The following PRRC1 variants were observed in gnomAD, a reference collection of about 807,000 sequenced individuals.
The protein encoded by PRRC1 is protein PRRC1.
A neutral mutation model predicts 40.7 loss-of-function variants in PRRC1; 39 were observed. The ratio of observed to expected loss-of-function variants is 0.96; its 90% CI spans 0.74 to 1.25. The LOEUF is 1.25. PRRC1 is among the 50% of genes most tolerant of loss of function. PRRC1 has a pLI of 0.00. For missense variants in PRRC1, 573 were observed against 548.3 expected (o/e 1.05, Z -0.45); for synonymous variants, 175 against 193.3 (o/e 0.91, Z 0.79).
chr5:127,536,517 T>C (rs1767907417), intron 6 of PRRC1, among the ~76,000 whole-genome samples: 1 of 152,072 alleles, frequency 6.6e-6, no homozygotes, highest in African/African-American at 2.4e-5. Context: ...AAGAAGACTT[T>C]TCAAGATTTA....
chr5:127,527,236 A>G (rs1767642368), intron 4 of PRRC1, among the ~76,000 whole-genome samples: 1 of 152,184 alleles, frequency 6.6e-6, no homozygotes, highest in South Asian at 2.1e-4. Flanking sequence ...TTTATTATGC[A>G]CAACATGATG....
intron 3 of PRRC1, among the ~76,000 whole-genome samples, chr5:127,525,604 T>G (rs534957387): frequency 6.6e-6 from 1 of 152,350 alleles, no homozygotes; most frequent in Admixed American, 6.5e-5. Context: ...GTGTACCATT[T>G]TACCTTCTTA....
chr5:127,530,231 T>C, intron 4 of PRRC1, 63 bp from the exon 5 acceptor site: 1 of 1,439,812 alleles, frequency 6.9e-7, no homozygotes, highest in Non-Finnish European at 9.6e-7. Flanking sequence ...TTCTTCACAA[T>C]CATGAAGATC....
Position 127,518,613 on chromosome 5 carries a change from G to A in PRRC1, c.-21+837G>A, listed in dbSNP as rs1580924015. ...GATTAGGCTCTAACTAGCGCTCACT[G>A]TTTGGTAGTAGAGACAATCTTGTGG... On this transcript the variant is annotated intron_variant, in intron 1 of 8. Coordinates refer to ENST00000296666, the MANE Select transcript of PRRC1 (RefSeq NM_130809.5). Among the ~76,000 whole-genome samples the A allele has an allele frequency of 2.6e-5, 4 of 152,240 alleles. No individual in the cohort carries two copies. In the South Asian group the frequency reaches 8.3e-4, roughly 32 times the overall value.
intron 4 of PRRC1, among the ~76,000 whole-genome samples, chr5:127,529,067 A>G (rs950177004): frequency 2.6e-5 from 4 of 152,164 alleles, no homozygotes; most frequent in African/African-American, 9.7e-5. Context: ...AATGTATATC[A>G]GTATTTAGTT....
chr5:127,542,723 C>T (rs151790), intron 7 of PRRC1, among the ~76,000 whole-genome samples: 44,459 of 146,146 alleles, frequency 0.3, 6,356 homozygotes, highest in East Asian at 0.52. Context: ...TTTCCATTTG[C>T]TTGGTAGATC....
chr5:127,526,848 A>T, intron 4 of PRRC1, 70 bp downstream of exon 4: 1 of 1,284,066 alleles, frequency 7.8e-7, no homozygotes, highest in Non-Finnish European at 1.0e-6. Flanking sequence ...TAGAGAAAAT[A>T]TTGAAAATAC....
At chr5:127,538,757 A>T (rs1050336481) in intron 6 of PRRC1, among the ~76,000 whole-genome samples, 1 of 152,108 alleles carries the variant, frequency 6.6e-6, no homozygotes, top group African/African-American at 2.4e-5. Context: ...ATTTAACAGT[A>T]ACAATCAATG....
At chr5:127,533,172 G>A (rs1294829316) in intron 5 of PRRC1, among the ~76,000 whole-genome samples, 2 of 151,950 alleles carry the variant, frequency 1.3e-5, no homozygotes, top group East Asian at 3.9e-4. Flanking sequence ...AGAACATTGT[G>A]GGGATATTTA....
intron 7 of PRRC1, among the ~76,000 whole-genome samples, chr5:127,542,477 T>TA (rs1297985988): frequency 2.0e-5 from 3 of 152,120 alleles, no homozygotes; most frequent in Admixed American, 1.3e-4. Flanking sequence ...AGTGGGGTGT[T>TA]AAAATCTCCC....
At position 127,553,305 on chromosome 5, in the gene PRRC1, A is replaced by C; in HGVS notation, c.*1389A>C. ...GTTTCTGCTATTTTTTTACCTGAGG[A>C]TAAGAAGAATGAATATTAAATTTGA... On this transcript the variant is annotated 3_prime_UTR_variant, in exon 9 of 9. Transcript: ENST00000296666. 2 of 986,032 alleles carry C rather than the reference A, an allele frequency of 2.0e-6. No individual in the cohort carries two copies. Among genetic ancestry groups the C allele is most frequent in the Non-Finnish European group, 2.4e-6 (2 of 830,350 alleles). The allele number at this position is 986,032 out of a possible 1,614,324, so 61.1% of individuals were successfully genotyped here. A position where few individuals can be genotyped will look rare whatever the true frequency, so the allele number is the denominator to read the frequency against.
At chr5:127,545,305 A>C (rs889051101) in intron 7 of PRRC1, among the ~76,000 whole-genome samples, 2 of 152,052 alleles carry the variant, frequency 1.3e-5, no homozygotes, top group Non-Finnish European at 2.9e-5. Context: ...CCAAAGGACT[A>C]TAAATCATGC....
chr5:127,547,791 C>T (rs1173163122), intron 7 of PRRC1, 28 bp from the exon 8 acceptor site: 4 of 1,500,136 alleles, frequency 2.7e-6, no homozygotes, highest in Non-Finnish European at 3.7e-6. Context: ...GGCATATAAA[C>T]CATTTGAAAC....
At position 127,533,608 on chromosome 5, in the gene PRRC1, C is replaced by T. The variant is rs746562797; in HGVS notation, c.758-15C>T. On this transcript the variant is annotated splice_polypyrimidine_tract_variant and intron_variant, in intron 5 of 8. Transcript: ENST00000296666. ...ATTTTAATTTGAAAGTTAAATTTTC[C>T]TCTGGTCTTTTTAGAATCTGGAGGT... The T allele has an allele frequency of 1.2e-5, 20 of 1,600,720 alleles. 1 individual carries two copies. In the South Asian group the frequency reaches 2.3e-4, roughly 18 times the overall value.
At position 127,539,153 on chromosome 5, in the gene PRRC1, T is replaced by TTA. The variant is rs542899574; in HGVS notation, c.1025+12_1025+13dup. 6.2e-7 allele frequency: 1 copy of TTA among 1,605,868 alleles called. No homozygotes were observed. The highest frequency in any genetic ancestry group is 1.1e-5 in the South Asian group (1 of 90,812). On this transcript the variant is annotated intron_variant, in intron 7 of 8. Transcript: ENST00000296666. ...AATTGCTGCCTGACAAGTAAGTGTA[T>TTA]TATGTTTCTCTTGGAAGCAAAATAT...
At chr5:127,533,578 T>A in intron 5 of PRRC1, 45 bp from the exon 6 acceptor site, 1 of 1,529,642 alleles carries the variant, frequency 6.5e-7, no homozygotes, top group South Asian at 1.2e-5. Flanking sequence ...TATGAGAATT[T>A]CATTATTTTA....
At chr5:127,537,366 A>G (rs1201617221) in intron 6 of PRRC1, among the ~76,000 whole-genome samples, 1 of 151,846 alleles carries the variant, frequency 6.6e-6, no homozygotes, top group Non-Finnish European at 1.5e-5. Context: ...GTAGGGACTA[A>G]TATTAAAATG....
intron 7 of PRRC1, among the ~76,000 whole-genome samples, chr5:127,542,656 G>C (rs1428858065): frequency 1.3e-5 from 2 of 151,402 alleles, no homozygotes; most frequent in East Asian, 3.9e-4. Context: ...TCTGATCTTT[G>C]TTGGTTTAAA....
chr5:127,551,563 T>C (rs937137792), intron 8 of PRRC1, 144 bp from the exon 9 acceptor site: 6 of 784,578 alleles, frequency 7.6e-6, no homozygotes, highest in African/African-American at 7.0e-5. Flanking sequence ...TAAGTTGATA[T>C]AGTTGGCAGC....
Sources: allele counts gnomAD v4.1 joint callset (sites outside exome capture counted in the v4.1 genomes callset), GRCh38; gene constraint gnomAD v4.1.1; transcripts MANE v1.5; gene names NCBI Gene and HGNC (gene_info 2026-07-23, HGNC 2026-07-21).